EPB41L1: variants seen among roughly 807,000 people sequenced by gnomAD.
EPB41L1 encodes erythrocyte membrane protein band 4.1 like 1, also known as band 4.1-like protein 1.
A neutral mutation model predicts 97.8 loss-of-function variants in EPB41L1; 29 were observed. The ratio of observed to expected loss-of-function variants is 0.30; its 90% CI spans 0.22 to 0.40. The LOEUF (loss-of-function observed/expected upper bound fraction) is 0.40. Among genes scored for constraint, EPB41L1 ranks in the 10% least tolerant of loss-of-function variants. The probability of loss-of-function intolerance (pLI) is 1.00; values close to 1 mark genes in which losing one functional copy is unlikely to be tolerated. For synonymous variants in EPB41L1, 383 were observed against 459.2 expected (o/e 0.83, Z 2.12); for missense variants, 812 against 1,162.3 (o/e 0.70, Z 4.38).
intron 3 of EPB41L1, among the ~76,000 whole-genome samples, chr20:36,176,815 A>G (rs1167790834): frequency 6.6e-6 from 1 of 151,528 alleles, no homozygotes; most frequent in African/African-American, 2.4e-5. Context: ...TATTTTTAGT[A>G]GAGACAGGGT....
At chr20:36,202,071 G>T (rs990725233) in intron 14 of EPB41L1, among the ~76,000 whole-genome samples, 1 of 152,190 alleles carries the variant, frequency 6.6e-6, no homozygotes, top group Non-Finnish European at 1.5e-5. Flanking sequence ...TCTCTTGAGG[G>T]AAATCGGACA....
chr20:36,139,156 C>G (rs949482761), intron 2 of EPB41L1, among the ~76,000 whole-genome samples: 1 of 152,168 alleles, frequency 6.6e-6, no homozygotes, highest in Non-Finnish European at 1.5e-5. Flanking sequence ...GGACGCTGTA[C>G]CCCCAGAGAG....
chr20:36,168,169 GGTTAGGGT>G (rs1569186460), intron 1 of EPB41L1, among the ~76,000 whole-genome samples: 1 of 152,212 alleles, frequency 6.6e-6, no homozygotes, highest in Non-Finnish European at 1.5e-5. Flanking sequence ...GCCAGAAGGT[GGTTAGGGT>G]GTTGAAGAGG....
chr20:36,127,825 C>T (rs965383739), intron 2 of EPB41L1, among the ~76,000 whole-genome samples: 8 of 152,114 alleles, frequency 5.3e-5, no homozygotes, highest in African/African-American at 1.9e-4. Flanking sequence ...TCGTAGGTTC[C>T]CTTGTAAGAT....
intron 21 of EPB41L1, among the ~76,000 whole-genome samples, chr20:36,225,841 C>T (rs530977572): frequency 6.6e-6 from 1 of 152,166 alleles, no homozygotes; most frequent in Non-Finnish European, 1.5e-5. Flanking sequence ...TCCTGCCCAC[C>T]CCGCCGCGAT....
chr20:36,137,866 A>T (rs887887269), intron 2 of EPB41L1, among the ~76,000 whole-genome samples: 4 of 152,190 alleles, frequency 2.6e-5, no homozygotes, highest in African/African-American at 9.7e-5. Flanking sequence ...TCCATTAAAC[A>T]ATAACTCCCA....
In EPB41L1 at chr20:36,207,278, G is replaced by A. The variant is rs553217375; in HGVS notation, c.1669-2210G>A. The A allele has an allele frequency of 4.0e-5, 51 of 1,280,696 alleles. No individual in the cohort carries two copies. Among genetic ancestry groups the A allele is most frequent in the South Asian group, 3.9e-4 (31 of 79,884 alleles). The allele number at this position is 1,280,696 out of a possible 1,614,324, so 79.3% of individuals were successfully genotyped here. On this transcript the variant is annotated intron_variant, in intron 14 of 21. Transcript: ENST00000338074. The surrounding 1 kb of genome is among the most constrained non-coding windows in gnomAD (Gnocchi z 4.9). ...GTGTCCCCTGCCACAGGAGGTGAGC[G>A]CAGGCCTCCTCCCATCACCAGCAGA...
chr20:36,127,955 A>G (rs1369562383), intron 2 of EPB41L1, among the ~76,000 whole-genome samples: 4 of 151,998 alleles, frequency 2.6e-5, no homozygotes, highest in Admixed American at 2.0e-4. Flanking sequence ...TCTTGTCCTC[A>G]TCTGTCTCAC....
intron 2 of EPB41L1, among the ~76,000 whole-genome samples, chr20:36,134,705 C>T (rs927660500): frequency 4.6e-5 from 7 of 152,150 alleles, no homozygotes; most frequent in Non-Finnish European, 8.8e-5. Flanking sequence ...CTATTAGCTC[C>T]TCAGGGGTCC....
chr20:36,187,547 A>G, intron 7 of EPB41L1, 129 bp from the exon 8 acceptor site: 1 of 779,978 alleles, frequency 1.3e-6, no homozygotes. Context: ...GGCAGAGGGA[A>G]AAGATTAGGG....
In EPB41L1 at chr20:36,190,865, G is replaced by A; in HGVS notation, c.1300+68G>A. On this transcript the variant is annotated intron_variant, in intron 11 of 21. Coordinates refer to ENST00000338074, the MANE Select transcript of EPB41L1 (RefSeq NM_012156.2). The surrounding 1 kb of genome is among the most constrained non-coding windows in gnomAD (Gnocchi z 5.8). ...AGGGAACTGGGGGAGTGGGCATGCT[G>A]GGTTCTGCAGAATGAGCAGGAAAAT... The A allele has an allele frequency of 6.3e-7, 1 of 1,586,176 alleles. No individual in the cohort carries two copies. Among genetic ancestry groups the A allele is most frequent in the Non-Finnish European group, 8.6e-7 (1 of 1,169,026 alleles).
In EPB41L1 at chr20:36,142,265, G is replaced by A. The variant is rs551033829; in HGVS notation, c.-10+29785G>A. 5.9e-5 allele frequency among the ~76,000 whole-genome samples: 9 copies of A among 152,224 alleles called. No individual in the cohort carries two copies. The East Asian group carries it at 1.7e-3, about 29-fold the overall frequency. On this transcript the variant is annotated intron_variant, in intron 2 of 19. Transcript: ENST00000202028. ...ATAGATCCACAACATTATTTTGTGT[G>A]GCTGCGTAGTATTTCAGCATATGTA...
At chr20:36,127,078 G>A (rs2058999896) in intron 2 of EPB41L1, among the ~76,000 whole-genome samples, 1 of 152,218 alleles carries the variant, frequency 6.6e-6, no homozygotes, top group African/African-American at 2.4e-5. Context: ...GACTGGAGAG[G>A]ACTCAGCTAT....
chr20:36,202,317 A>T (rs2062540990), intron 14 of EPB41L1, among the ~76,000 whole-genome samples: 1 of 152,236 alleles, frequency 6.6e-6, no homozygotes, highest in Non-Finnish European at 1.5e-5. Flanking sequence ...CTGCCTTTTC[A>T]AATTAGCAGC....
intron 2 of EPB41L1, among the ~76,000 whole-genome samples, chr20:36,113,013 T>C (rs900960960): frequency 5.3e-5 from 8 of 152,196 alleles, no homozygotes; most frequent in Non-Finnish European, 1.2e-4. Context: ...CTTTTTCCAT[T>C]GCACCCCAAA....
chr20:36,109,299 T>C (rs982118541), intron 1 of EPB41L1, among the ~76,000 whole-genome samples: 8 of 152,290 alleles, frequency 5.3e-5, no homozygotes, highest in Admixed American at 4.6e-4. Flanking sequence ...GTCCTCATCC[T>C]GGCCACGCCC....
intron 2 of EPB41L1, among the ~76,000 whole-genome samples, chr20:36,114,774 T>A (rs1253114005): frequency 6.6e-6 from 1 of 152,126 alleles, no homozygotes; most frequent in Non-Finnish European, 1.5e-5. Flanking sequence ...AATCTGTATG[T>A]CAATCCAAGG....
intron 2 of EPB41L1, chr20:36,125,625 T>A: frequency 6.7e-7 from 1 of 1,502,244 alleles, no homozygotes. Context: ...GGCAGGAGTT[T>A]CCTGTGTGTG....
chr20:36,205,213 T>C (rs1183261859), intron 14 of EPB41L1, among the ~76,000 whole-genome samples: 1 of 152,184 alleles, frequency 6.6e-6, no homozygotes. Flanking sequence ...CTGTGGCCTG[T>C]GGAACTTAAT....
Sources: allele counts gnomAD v4.1 joint callset (sites outside exome capture counted in the v4.1 genomes callset), GRCh38; gene constraint gnomAD v4.1.1; non-coding constraint Gnocchi (gnomAD v3.1); transcripts MANE v1.5; gene names NCBI Gene and HGNC (gene_info 2026-07-23, HGNC 2026-07-21).